TMEM116: variants seen among roughly 807,000 people sequenced by gnomAD.
TMEM116 encodes transmembrane protein 116.
Under a neutral mutation model 44.3 loss-of-function variants are expected in TMEM116, and 38 were observed. The observed-to-expected ratio is 0.86, with a 90% CI of 0.66 to 1.12. The LOEUF (loss-of-function observed/expected upper bound fraction) is 1.12, where lower values mean the gene tolerates loss of function less well. Ranked by LOEUF, TMEM116 falls within the 50% of genes most tolerant of loss-of-function variation. TMEM116 has a pLI of 0.00. For missense variants in TMEM116, 354 were observed against 401.7 expected (o/e 0.88, Z 1.01); for synonymous variants, 132 against 144.8 (o/e 0.91, Z 0.64).
At chr12:112,012,091 G>A (rs1394944950) in intron 1 of TMEM116, 1 of 152,192 alleles carries the variant, frequency 6.6e-6, no homozygotes, top group Non-Finnish European at 1.5e-5. Context: ...CCTTTACATA[G>A]ATTCATCTCA....
At chr12:112,000,603 T>C (rs1231704210) in intron 3 of TMEM116, 2 of 337,162 alleles carry the variant, frequency 5.9e-6, no homozygotes, top group Non-Finnish European at 1.2e-5. Flanking sequence ...CTTGGCTTAC[T>C]GCAGTCTTAC....
intron 4 of TMEM116, among the ~76,000 whole-genome samples, chr12:111,974,566 G>T (rs2075555679): frequency 6.6e-6 from 1 of 151,054 alleles, no homozygotes; most frequent in African/African-American, 2.4e-5. Flanking sequence ...GCTGAGGTGG[G>T]AGAATCACTT....
chr12:111,953,947 T>C (rs1289768500), intron 4 of TMEM116, among the ~76,000 whole-genome samples: 6 of 152,350 alleles, frequency 3.9e-5, no homozygotes, highest in East Asian at 1.9e-4. Context: ...AAGATTATCA[T>C]AGAAAATAGT....
chr12:111,966,685 T>A (rs2075006164), intron 4 of TMEM116, among the ~76,000 whole-genome samples: 2 of 152,216 alleles, frequency 1.3e-5, no homozygotes, highest in South Asian at 4.1e-4. Context: ...CACTTCTTAC[T>A]ATTTCTCTTC....
intron 4 of TMEM116, among the ~76,000 whole-genome samples, chr12:111,955,240 G>T (rs2073994860): frequency 6.6e-6 from 1 of 152,144 alleles, no homozygotes; most frequent in Non-Finnish European, 1.5e-5. Flanking sequence ...CCTCCTTGGT[G>T]TCTGTGGGTG....
chr12:111,956,605 G>A (rs2074103229), intron 4 of TMEM116, among the ~76,000 whole-genome samples: 1 of 152,170 alleles, frequency 6.6e-6, no homozygotes, highest in Non-Finnish European at 1.5e-5. Context: ...GCTCACTGCA[G>A]CCTCCCTGCC....
At chr12:112,009,877 A>G (rs1029454041) in intron 1 of TMEM116, among the ~76,000 whole-genome samples, 3 of 152,064 alleles carry the variant, frequency 2.0e-5, no homozygotes, top group Non-Finnish European at 4.4e-5. Context: ...ACCTACTTCT[A>G]AACTAACCAT....
chr12:111,933,346 A>G, intron 9 of TMEM116, among the ~76,000 whole-genome samples: 1 of 151,972 alleles, frequency 6.6e-6, no homozygotes, highest in East Asian at 1.9e-4. Flanking sequence ...TTCTCCTCTT[A>G]TATCATGGTG....
chr12:112,005,802 ATAGG>A, intron 1 of TMEM116: 1 of 884,324 alleles, frequency 1.1e-6, no homozygotes, highest in Non-Finnish European at 1.4e-6. Flanking sequence ...GAGTTCACTG[ATAGG>A]TAGAAAGAGG....
intron 4 of TMEM116, among the ~76,000 whole-genome samples, chr12:111,958,288 A>C (rs1047675817): frequency 2.3e-5 from 3 of 133,150 alleles, no homozygotes; most frequent in African/African-American, 8.3e-5. Flanking sequence ...AAAAAAAAAA[A>C]AAAAAAAAAA....
At position 111,988,422 on chromosome 12, in the gene TMEM116, G is replaced by A. The variant is rs1005342002; in HGVS notation, c.210+3336C>T. On this transcript the variant is annotated intron_variant, in intron 4 of 10. Transcript: ENST00000552374. ...AAACAAAACAAACAAGGCCGGGCAC[G>A]GTGGCTCACACCTGAAATCCCAGCA... Among the ~76,000 whole-genome samples, 6 of 152,220 alleles carry A rather than the reference G, an allele frequency of 3.9e-5. No homozygotes were observed. In the East Asian group the frequency reaches 5.8e-4, roughly 15 times the overall value.
chr12:111,949,595 T>C (rs990520421), intron 4 of TMEM116, among the ~76,000 whole-genome samples: 1 of 152,240 alleles, frequency 6.6e-6, no homozygotes, highest in Non-Finnish European at 1.5e-5. Flanking sequence ...AGTCTTACTC[T>C]ATTATCTTTG....
intron 3 of TMEM116, chr12:112,000,814 A>G (rs1464674556): frequency 1.2e-4 from 60 of 517,650 alleles, no homozygotes; most frequent in Non-Finnish European, 2.0e-4. Context: ...GTTGTTACAG[A>G]TTGAATACGG....
chr12:111,996,477 C>T (rs1347799862), intron 3 of TMEM116, among the ~76,000 whole-genome samples: 3 of 151,804 alleles, frequency 2.0e-5, no homozygotes, highest in Non-Finnish European at 4.4e-5. Flanking sequence ...AAATTAAAAC[C>T]ACAATAAGAA....
chr12:112,012,089 T>C (rs1030790757), intron 1 of TMEM116: 12 of 152,368 alleles, frequency 7.9e-5, no homozygotes, highest in Admixed American at 2.0e-4. Flanking sequence ...CGCCTTTACA[T>C]AGATTCATCT....
At chr12:111,954,246 C>A (rs1392750286) in intron 4 of TMEM116, among the ~76,000 whole-genome samples, 1 of 152,074 alleles carries the variant, frequency 6.6e-6, no homozygotes, top group East Asian at 1.9e-4. Flanking sequence ...GGGAGTGAGA[C>A]TACATTAACA....
intron 3 of TMEM116, among the ~76,000 whole-genome samples, chr12:111,994,643 T>G (rs917730695): frequency 4.6e-5 from 7 of 152,196 alleles, no homozygotes; most frequent in Non-Finnish European, 1.0e-4. Flanking sequence ...GATAAGAATT[T>G]ACAACATAGT....
intron 4 of TMEM116, among the ~76,000 whole-genome samples, chr12:111,990,826 T>C (rs907118173): frequency 6.6e-6 from 1 of 152,206 alleles, no homozygotes; most frequent in Non-Finnish European, 1.5e-5. Flanking sequence ...TTTACTCCTG[T>C]AACACAAAAC....
chr12:111,953,764 G>C (rs540988410), intron 4 of TMEM116, among the ~76,000 whole-genome samples: 1 of 151,984 alleles, frequency 6.6e-6, no homozygotes, highest in Non-Finnish European at 1.5e-5. Context: ...TCCCATTGCA[G>C]TGCTTACTTC....
Sources: allele counts gnomAD v4.1 joint callset (sites outside exome capture counted in the v4.1 genomes callset), GRCh38; gene constraint gnomAD v4.1.1; transcripts MANE v1.5; gene names NCBI Gene and HGNC (gene_info 2026-07-23, HGNC 2026-07-21).